The following TULP3 variants were observed in gnomAD, a reference collection of about 807,000 sequenced individuals.
The protein encoded by TULP3 is tubby-related protein 3.
A neutral mutation model predicts 50.7 loss-of-function variants in TULP3; 38 were observed. That is an observed-to-expected ratio of 0.75 (90% CI 0.58 to 0.98). TULP3 has a LOEUF of 0.98. Ranked by LOEUF, TULP3 falls within the 50% of genes least tolerant of loss-of-function variation. The pLI is 0.00. For missense variants in TULP3, 550 were observed against 568.0 expected (o/e 0.97, Z 0.32); for synonymous variants, 183 against 196.6 (o/e 0.93, Z 0.58).
At chr12:2,891,087 A>G in intron 1 of TULP3, 99 bp downstream of exon 1, 6 of 1,349,874 alleles carry the variant, frequency 4.4e-6, no homozygotes, top group Non-Finnish European at 4.9e-6. Flanking sequence ...AGAGGGCGGG[A>G]CTCGGGACTT....
chr12:2,913,209 G>GTGTGTGTC (rs2098186650), intron 2 of TULP3, among the ~76,000 whole-genome samples: 2 of 149,970 alleles, frequency 1.3e-5, no homozygotes, highest in Admixed American at 1.3e-4. Flanking sequence ...GTTTGTGTGT[G>GTGTGTGTC]TGTGTGTGTG....
intron 2 of TULP3, among the ~76,000 whole-genome samples, chr12:2,919,101 A>G (rs1389572420): frequency 6.6e-6 from 1 of 151,982 alleles, no homozygotes; most frequent in African/African-American, 2.4e-5. Flanking sequence ...CATGTTGGCC[A>G]GGGTGGTCTC....
intron 2 of TULP3, among the ~76,000 whole-genome samples, chr12:2,911,169 T>A (rs1383101507): frequency 6.6e-6 from 1 of 152,154 alleles, no homozygotes; most frequent in East Asian, 1.9e-4. Context: ...TAATAAATGT[T>A]GTAACTTTTG....
Position 2,907,647 on chromosome 12 carries a change from C to CA in TULP3, c.42-1868dup, listed in dbSNP as rs772555255. 1.9e-3 allele frequency among the ~76,000 whole-genome samples: 279 copies of CA among 145,482 alleles called. 1 individual carries two copies. Among genetic ancestry groups the CA allele is most frequent in the African/African-American group, 4.7e-3 (186 of 39,614 alleles). Reference sequence around the variant, plus strand: ...TGGGCAGGAGAGAGAGACTCTGTCTCAAAAAAAAAAAAAATTTTTTATTCT... The same window carrying CA: ...TGGGCAGGAGAGAGAGACTCTGTCTCAAAAAAAAAAAAAAATTTTTTATTCT... On this transcript the variant is annotated intron_variant, in intron 1 of 10. Coordinates refer to ENST00000448120, the MANE Select transcript of TULP3 (RefSeq NM_003324.5).
chr12:2,935,767 G>A (rs1316996003), intron 8 of TULP3, among the ~76,000 whole-genome samples: 1 of 151,844 alleles, frequency 6.6e-6, no homozygotes, highest in African/African-American at 2.4e-5. Context: ...GAGCCCAGGA[G>A]AGACCAGCCT....
At chr12:2,933,188 A>G (rs956354883) in intron 6 of TULP3, among the ~76,000 whole-genome samples, 6 of 151,982 alleles carry the variant, frequency 3.9e-5, no homozygotes, top group African/African-American at 1.4e-4. Context: ...TGATCTGCCC[A>G]CCTCGGCCTC....
Position 2,931,188 on chromosome 12 carries a change from G to A in TULP3, c.644G>A (p.Arg215Gln), listed in dbSNP as rs151311529. Residue 215 changes from arginine (R) to glutamine (Q), a missense_variant, in exon 6 of 11, where the codon CGG becomes CAG. Coordinates refer to ENST00000448120, the MANE Select transcript of TULP3 (RefSeq NM_003324.5). ...RIIRDKRGMD[R>Q]GLFPTYYMYL... ...ATCCGGGATAAAAGGGGAATGGATC[G>A]GGGTCTCTTCCCCACCTACTATATG... The A allele has an allele frequency of 3.8e-5, 61 of 1,614,168 alleles. No individual in the cohort carries two copies. The East Asian group carries it at 8.0e-4, about 21-fold the overall frequency.
At chr12:2,913,277 T>TC (rs1183761531) in intron 2 of TULP3, among the ~76,000 whole-genome samples, 1 of 150,468 alleles carries the variant, frequency 6.6e-6, no homozygotes, top group Non-Finnish European at 1.5e-5. Flanking sequence ...AGATAGGTTC[T>TC]CACTCTGTCA....
rs1439155274 is a variant in TULP3 at position 2,922,276 on chromosome 12, G to C, written c.268G>C (p.Ala90Pro). ...NVILHGIDGP[A>P]AVLKPDEVHA... ...TTGGCCCTTAGGTATTGATGGTCCA[G>C]CTGCTGTCCTGAAACCAGACGAAGT... The change falls in exon 4 of 11, where the codon GCT becomes CCT. Residue 90 changes from alanine to proline, a missense_variant. Transcript: ENST00000448120. The C allele has an allele frequency of 3.1e-6, 5 of 1,613,070 alleles. No homozygotes were observed. The highest frequency in any genetic ancestry group is 8.5e-7 in the Non-Finnish European group (1 of 1,179,836).
In TULP3 at chr12:2,939,492, C is replaced by T. The variant is rs2098203427; in HGVS notation, c.*48C>T. On this transcript the variant is annotated 3_prime_UTR_variant, in exon 11 of 11. Coordinates refer to ENST00000448120, the MANE Select transcript of TULP3 (RefSeq NM_003324.5). The surrounding 1 kb of genome is among the most constrained non-coding windows in gnomAD (Gnocchi z 4.0). Reference sequence around the variant, plus strand: ...CTTCTCCCCACAGAGCTTTCAGGAGCAGACAGTGGCCTCCCCTTCCCCTCC... The same window carrying T: ...CTTCTCCCCACAGAGCTTTCAGGAGTAGACAGTGGCCTCCCCTTCCCCTCC... 4 of 1,605,734 alleles carry T rather than the reference C, an allele frequency of 2.5e-6. No homozygotes were observed. The East Asian group carries it at 8.9e-5, about 36-fold the overall frequency.
intron 1 of TULP3, among the ~76,000 whole-genome samples, chr12:2,908,771 G>A (rs945020707): frequency 8.6e-5 from 13 of 152,022 alleles, no homozygotes; most frequent in Middle Eastern, 3.2e-3. Context: ...GCTGAAGACT[G>A]GTTTTATTCC....
chr12:2,926,751 A>C (rs917254706), intron 4 of TULP3, among the ~76,000 whole-genome samples: 1 of 125,638 alleles, frequency 8.0e-6, no homozygotes, highest in African/African-American at 3.5e-5. Context: ...AAATTCAAAA[A>C]AAAGTAGCCA....
At chr12:2,937,132 T>C (rs1326729101) in intron 8 of TULP3, among the ~76,000 whole-genome samples, 1 of 143,506 alleles carries the variant, frequency 7.0e-6, no homozygotes, top group Non-Finnish European at 1.5e-5. Context: ...TATAAAGAGA[T>C]ATAATATTAC....
intron 1 of TULP3, among the ~76,000 whole-genome samples, chr12:2,899,358 A>AC (rs1808923008): frequency 6.6e-6 from 1 of 151,804 alleles, no homozygotes; most frequent in South Asian, 2.1e-4. Context: ...AAAAAAAAAA[A>AC]AAAAAACAGC....
intron 1 of TULP3, among the ~76,000 whole-genome samples, chr12:2,892,724 A>T (rs2098172900): frequency 6.6e-6 from 1 of 151,910 alleles, no homozygotes; most frequent in Non-Finnish European, 1.5e-5. Context: ...GTTGGCCAAG[A>T]TGGTCTCGAT....
Position 2,940,318 on chromosome 12 carries a change from A to G in TULP3, c.*874A>G. 2.2e-6 allele frequency: 3 copies of G among 1,394,934 alleles called. No individual in the cohort carries two copies. The highest frequency in any genetic ancestry group is 5.6e-5 in the Admixed American group (2 of 35,848). The allele number at this position is 1,394,934 out of a possible 1,614,324, so 86.4% of individuals were successfully genotyped here. ...GATGGCAGTATTGACCATTTAGTTT[A>G]GTTAAAAAAAAAAAAAAAAAGGTGG... On this transcript the variant is annotated 3_prime_UTR_variant, in exon 11 of 11. Transcript: ENST00000448120.
intron 1 of TULP3, among the ~76,000 whole-genome samples, chr12:2,907,294 G>A (rs1466905984): frequency 2.0e-5 from 3 of 151,988 alleles, no homozygotes; most frequent in African/African-American, 7.2e-5. Flanking sequence ...CTGTCTGACT[G>A]GTGAAACCCC....
At chr12:2,917,931 C>CA (rs540725370) in intron 2 of TULP3, among the ~76,000 whole-genome samples, 159 of 150,584 alleles carry the variant, frequency 1.1e-3, no homozygotes, top group Middle Eastern at 3.4e-3. Context: ...ACTAAAAATA[C>CA]AAAAAAAATT....
intron 1 of TULP3, among the ~76,000 whole-genome samples, chr12:2,899,345 CAA>C (rs55818833): frequency 4.8e-5 from 4 of 82,816 alleles, no homozygotes; most frequent in Admixed American, 1.4e-4. Context: ...AACGACGTCT[CAA>C]AAAAAAAAAA....
Sources: gnomAD v4.1 joint callset for allele counts (sites outside exome capture counted in the v4.1 genomes callset) on GRCh38, gnomAD v4.1.1 for gene constraint, Gnocchi (gnomAD v3.1) non-coding constraint, MANE v1.5 for transcripts, NCBI Gene and HGNC (gene_info 2026-07-23, HGNC 2026-07-21) for gene names.